The following C16orf96 variants were observed in gnomAD, a reference collection of about 807,000 sequenced individuals.
C16orf96 encodes chromosome 16 open reading frame 96.
A neutral mutation model predicts 103.6 loss-of-function variants in C16orf96; 108 were observed. That is an observed-to-expected ratio of 1.04 (90% CI 0.89 to 1.22). The LOEUF (loss-of-function observed/expected upper bound fraction) is 1.22. C16orf96 is among the 50% of genes most tolerant of loss of function. The pLI is 0.00. For synonymous variants in C16orf96, 566 were observed against 593.5 expected, an observed-to-expected ratio of 0.95 and a Z score of 0.67; for missense variants, 1,586 against 1,464.2, an observed-to-expected ratio of 1.08 and a Z score of -1.36.
intron 11 of C16orf96, among the ~76,000 whole-genome samples, chr16:4,592,602 T>G (rs1245795919): frequency 1.3e-5 from 2 of 152,216 alleles, no homozygotes; most frequent in Non-Finnish European, 2.9e-5. Context: ...CACATCCATG[T>G]ACACTGTTCT....
intron 1 of C16orf96, among the ~76,000 whole-genome samples, chr16:4,566,355 C>G (rs1185896924): frequency 1.3e-5 from 2 of 152,174 alleles, no homozygotes; most frequent in Non-Finnish European, 2.9e-5. Flanking sequence ...ATCTGACTTT[C>G]GCTTCTGACC....
Position 4,575,603 on chromosome 16 carries a change from G to T in C16orf96, c.1123G>T (p.Ala375Ser). ...APWPVLGPVP[A>S]PGAQPPPLGD... ...TTGGCCTGTGCTTGGACCTGTGCCT[G>T]CCCCAGGTGCCCAGCCTCCACCACT... Residue 375 changes from alanine to serine, a missense_variant, in exon 5 of 16, where the codon GCC (alanine) becomes TCC (serine). Transcript: ENST00000444310. 1.3e-6 allele frequency: 2 copies of T among 1,511,154 alleles called. No homozygotes were observed. Among genetic ancestry groups the T allele is most frequent in the South Asian group, 1.3e-5 (1 of 77,802 alleles). 93.6% of individuals were successfully genotyped at this position (1,511,154 alleles called of 1,614,324 possible).
At chr16:4,551,763 T>C (rs1406368138), upstream of C16orf96, among the ~76,000 whole-genome samples, 1 of 152,160 alleles carries the variant, frequency 6.6e-6, no homozygotes, top group Non-Finnish European at 1.5e-5. Context: ...TTTGTTTCTT[T>C]TTAAATTCTG....
At chr16:4,574,866 G>C in intron 3 of C16orf96, 77 bp downstream of exon 3, 2 of 1,526,248 alleles carry the variant, frequency 1.3e-6, no homozygotes, top group Admixed American at 2.0e-5. Flanking sequence ...GCTGAGGGTA[G>C]GGAGGTGCAA....
At position 4,575,293 on chromosome 16, in the gene C16orf96, C is replaced by A; in HGVS notation, c.813C>A (p.Val271=). ...ATRAIQVSEP[V]QNPQLLQTVW... ...GTGCCATCCAGGTCTCCGAGCCCGT[C>A]CAAAACCCCCAGCTACTGCAGACTG... is the stretch of plus-strand genomic sequence containing the variant. Residue 271 remains valine (V), a synonymous_variant, in exon 5 of 16, where the codon GTC becomes GTA. Transcript: ENST00000444310. The A allele has an allele frequency of 5.8e-6, 9 of 1,551,104 alleles. No homozygotes were observed. The highest frequency in any genetic ancestry group is 7.8e-6 in the Non-Finnish European group (9 of 1,146,986).
chr16:4,576,334 G>C lies in C16orf96; in HGVS notation c.1854G>C (p.Gly618=), dbSNP rs9925475. Residue 618 remains glycine (G), a synonymous_variant, in exon 5 of 16, where the codon GGG becomes GGC. Coordinates refer to ENST00000444310, the MANE Select transcript of C16orf96 (RefSeq NM_001145011.2). ...ACACGGCTGCAGCTGGGCCCCTAGG[G>C]GTCTTTGCAGATGTCCTGGGTGCAG... The part of the protein sequence containing the change: ...ATDTAAAGPL[G]VFADVLGAGP... 1.3e-6 allele frequency: 2 copies of C among 1,550,796 alleles called. No homozygotes were observed. Among genetic ancestry groups the C allele is most frequent in the Admixed American group, 2.0e-5 (1 of 51,012 alleles).
At chr16:4,549,857 C>G in the C16orf96 span, among the ~76,000 whole-genome samples, 1 of 152,116 alleles carries the variant, frequency 6.6e-6, no homozygotes, top group Admixed American at 6.6e-5. Flanking sequence ...ATGCAACATG[C>G]CGACTCCCCT....
chr16:4,566,739 GT>G (rs1457294617), intron 1 of C16orf96, among the ~76,000 whole-genome samples: 1 of 151,894 alleles, frequency 6.6e-6, no homozygotes, highest in Non-Finnish European at 1.5e-5. Context: ...GCTTGAGTCA[GT>G]TTTAATGATT....
the C16orf96 span, among the ~76,000 whole-genome samples, chr16:4,545,417 CCTGAGCT>C: frequency 5.3e-5 from 8 of 152,314 alleles, no homozygotes; most frequent in East Asian, 1.5e-3. Flanking sequence ...GTGTCAACTT[CCTGAGCT>C]CAAGCGATCC....
rs1387112473 is a variant in C16orf96 at position 4,588,085 on chromosome 16, A to G, written c.2428-82A>G. 5 of 1,399,412 alleles carry G rather than the reference A, an allele frequency of 3.6e-6. No homozygotes were observed. The South Asian group carries it at 4.3e-5, about 12-fold the overall frequency. 86.7% of individuals were successfully genotyped at this position (1,399,412 alleles called of 1,614,324 possible). A position where few individuals can be genotyped will look rare whatever the true frequency, so the allele number is the denominator to read the frequency against. The stretch of plus-strand genomic sequence containing the variant: ...TCCAGAGTCCCAAACTAGAAGCATC[A>G]GACCCAAGGGGTGTGATGTCTCCCA... On this transcript the variant is annotated intron_variant, in intron 8 of 15. Transcript: ENST00000444310.
the C16orf96 span, among the ~76,000 whole-genome samples, chr16:4,547,545 C>T: frequency 6.6e-6 from 1 of 152,098 alleles, no homozygotes; most frequent in Non-Finnish European, 1.5e-5. Context: ...GGAGTTCAGG[C>T]GAAATGGGAG....
chr16:4,588,570 G>C (rs1896983465), intron 9 of C16orf96, among the ~76,000 whole-genome samples: 1 of 152,110 alleles, frequency 6.6e-6, no homozygotes, highest in African/African-American at 2.4e-5. Context: ...CCCTCACATG[G>C]CTGTTGGTAA....
chr16:4,563,167 A>C (rs1020715816), intron 1 of C16orf96: 6 of 754,854 alleles, frequency 7.9e-6, no homozygotes, highest in African/African-American at 1.7e-5. Flanking sequence ...AAGAGTTTGA[A>C]GAAACAAGTT....
Position 4,596,048 on chromosome 16 carries a change from A to C in C16orf96, c.3127+1245A>C, listed in dbSNP as rs142279911. 2.3e-3 allele frequency among the ~76,000 whole-genome samples: 351 copies of C among 152,062 alleles called. 6 individuals carry two copies. The highest frequency in any genetic ancestry group is 8.2e-3 in the African/African-American group (341 of 41,470). Reference sequence around the variant, plus strand: ...CCATTGACTCGAAGACCAGACATGGAAGAAGGGAAGGGGGACTGTTTCATC... The same window carrying C: ...CCATTGACTCGAAGACCAGACATGGCAGAAGGGAAGGGGGACTGTTTCATC... On this transcript the variant is annotated intron_variant, in intron 14 of 15. Transcript: ENST00000444310.
At chr16:4,581,613 A>G (rs2059589862) in intron 7 of C16orf96, among the ~76,000 whole-genome samples, 1 of 152,034 alleles carries the variant, frequency 6.6e-6, no homozygotes, top group Non-Finnish European at 1.5e-5. Context: ...AGCCTGGGCG[A>G]CAGAGCAAGA....
At chr16:4,562,461 CAAA>C (rs71402546) in intron 1 of C16orf96, among the ~76,000 whole-genome samples, 2 of 142,034 alleles carry the variant, frequency 1.4e-5, no homozygotes, top group Admixed American at 7.1e-5. Context: ...AAGACTGTGT[CAAA>C]AAAAAAAAAA....
At chr16:4,545,452 A>G in the C16orf96 span, among the ~76,000 whole-genome samples, 1 of 152,186 alleles carries the variant, frequency 6.6e-6, no homozygotes, top group Non-Finnish European at 1.5e-5. Flanking sequence ...CTGGCCTCCC[A>G]AAGTGCTGGG....
In C16orf96 at chr16:4,557,548, C is replaced by A. The variant is rs192561650; in HGVS notation, c.420+639C>A. ...TAATTGCTTTGTGGATATAGGGTTT[C>A]CTTTTGGGGTGATGAAAATGTTTTG... On this transcript the variant is annotated intron_variant, in intron 1 of 15. Coordinates refer to ENST00000444310, the MANE Select transcript of C16orf96 (RefSeq NM_001145011.2). Among the ~76,000 whole-genome samples, 5 of 152,220 alleles carry A rather than the reference C, an allele frequency of 3.3e-5. No homozygotes were observed. The East Asian group carries it at 9.6e-4, about 29-fold the overall frequency.
chr16:4,583,169 C>A (rs1011098641), intron 7 of C16orf96, among the ~76,000 whole-genome samples: 1 of 151,568 alleles, frequency 6.6e-6, no homozygotes, highest in Non-Finnish European at 1.5e-5. Flanking sequence ...ACCCGGGAGG[C>A]AGAGGTTGCA....
Sources: gnomAD v4.1 joint callset for allele counts (sites outside exome capture counted in the v4.1 genomes callset) on GRCh38, gnomAD v4.1.1 for gene constraint, MANE v1.5 for transcripts, NCBI Gene and HGNC (gene_info 2026-07-23, HGNC 2026-07-21) for gene names.